Variants in PECAM1 observed in about 807,000 individuals in gnomAD.
PECAM1 encodes the protein platelet and endothelial cell adhesion molecule 1.
Under a neutral mutation model 13.8 loss-of-function variants are expected in PECAM1, and 8 were observed. The ratio of observed to expected loss-of-function variants is 0.58; its 90% confidence interval spans 0.34 to 1.05. The LOEUF is 1.05. Among genes scored for constraint, PECAM1 ranks in the 50% least tolerant of loss-of-function variants. PECAM1 has a pLI of 0.03. For missense variants in PECAM1, 304 were observed against 141.2 expected (o/e 2.15, Z -5.84); for synonymous variants, 136 against 52.6 (o/e 2.58, Z -6.86).
intron 12 of PECAM1, among the ~76,000 whole-genome samples, 170 bp downstream of exon 12, chr17:64,350,210 T>C (rs2035683418): frequency 6.6e-6 from 1 of 152,160 alleles, no homozygotes; most frequent in South Asian, 2.1e-4. Context: ...CTAGATAGCA[T>C]CTCTGGTGAA....
intron 13 of PECAM1, among the ~76,000 whole-genome samples, chr17:64,342,065 G>T (rs1390035817): frequency 1.3e-5 from 2 of 151,594 alleles, no homozygotes; most frequent in Non-Finnish European, 2.9e-5. Context: ...GACGAGAATC[G>T]CTTGAACCCA....
intron 14 of PECAM1, among the ~76,000 whole-genome samples, chr17:64,335,174 C>T (rs1461529845): frequency 6.6e-6 from 1 of 152,126 alleles, no homozygotes; most frequent in East Asian, 1.9e-4. Flanking sequence ...GACCTGCCTC[C>T]AGCCCATACC....
At chr17:64,337,731 C>T (rs964112886) in intron 14 of PECAM1, among the ~76,000 whole-genome samples, 60 of 152,190 alleles carry the variant, frequency 3.9e-4, no homozygotes, top group South Asian at 2.5e-3. Context: ...CTAGAACCAA[C>T]CTGGAGACCC....
chr17:64,379,007 T>C (rs2143883293), intron 2 of PECAM1: 2 of 152,386 alleles, frequency 1.3e-5, no homozygotes, highest in East Asian at 3.9e-4. Context: ...ATTTTCTATC[T>C]GATGGGCTCT....
At position 64,361,144 on chromosome 17, in the gene PECAM1, T is replaced by TGTGTGTGTGC. The variant is rs2035967368; in HGVS notation, c.1217-730_1217-729insGCACACACAC. Among the ~76,000 whole-genome samples, 8 of 150,802 alleles carry TGTGTGTGTGC rather than the reference T, an allele frequency of 5.3e-5. No homozygotes were observed. In the Admixed American group the frequency reaches 5.3e-4, roughly 10 times the overall value. Reference sequence around the variant, plus strand: ...CTGAGCATATATGTGTGTGTGTGTGTGTGTGTGTGTGTGTGTTCTGAGACC... The same window carrying TGTGTGTGTGC: ...CTGAGCATATATGTGTGTGTGTGTGTGTGTGTGTGCGTGTGTGTGTGTGTGTTCTGAGACC... On this transcript the variant is annotated intron_variant, in intron 6 of 15. Coordinates refer to ENST00000563924, the MANE Select transcript of PECAM1 (RefSeq NM_000442.5).
chr17:64,323,200 G>A lies in PECAM1; in HGVS notation c.*616C>T, dbSNP rs782678225. On this transcript the variant is annotated 3_prime_UTR_variant, in exon 16 of 16. Coordinates refer to ENST00000563924, the MANE Select transcript of PECAM1 (RefSeq NM_000442.5). The stretch of plus-strand genomic sequence containing the variant: ...TCCACCTTCATTTTCTGTTTTGTGC[G>A]TTGCCTGAATGAACGGTGTCTTCAG... 98 of 987,648 alleles carry A rather than the reference G, an allele frequency of 9.9e-5. No homozygotes were observed. Among genetic ancestry groups the A allele is most frequent in the Non-Finnish European group, 1.1e-4 (94 of 831,434 alleles). The allele number at this position is 987,648 out of a possible 1,614,324, so 61.2% of individuals were successfully genotyped here. A position where few individuals can be genotyped will look rare whatever the true frequency, so the allele number is the denominator to read the frequency against.
chr17:64,378,171 A>T (rs2036403825), intron 2 of PECAM1, 54 bp from the exon 3 acceptor site: 1 of 444,914 alleles, frequency 2.2e-6, no homozygotes, highest in Non-Finnish European at 4.1e-6. Flanking sequence ...AAACAACATC[A>T]TCCCGGTGAC....
At chr17:64,327,108 C>G (rs1244091031) in intron 15 of PECAM1, among the ~76,000 whole-genome samples, 8 of 152,334 alleles carry the variant, frequency 5.3e-5, no homozygotes, top group Non-Finnish European at 1.0e-4. Context: ...ATGTGGGTCT[C>G]TGATTCCTAA....
intron 13 of PECAM1, among the ~76,000 whole-genome samples, chr17:64,345,109 C>T (rs2035530583): frequency 6.6e-6 from 1 of 152,204 alleles, no homozygotes; most frequent in Admixed American, 6.5e-5. Flanking sequence ...GCCTCTGCCT[C>T]CCAAAGTGCT....
rs560756059 is a variant in PECAM1, at chr17:64,328,837, CA to C, written c.2187+862del. 7.8e-3 allele frequency among the ~76,000 whole-genome samples: 1,195 copies of C among 152,306 alleles called. 7 individuals are homozygous for C. The highest frequency in any genetic ancestry group is 0.012 in the Non-Finnish European group (783 of 68,032). ...AACTCCTGCATTGCTGGGTAGCTCA[CA>C]AAAAGGTTGGGATTGGAAGACACGT... is the stretch of plus-strand genomic sequence containing the variant. On this transcript the variant is annotated intron_variant, in intron 15 of 15. Transcript: ENST00000563924.
intron 2 of PECAM1, among the ~76,000 whole-genome samples, chr17:64,388,475 A>T (rs2036647885): frequency 6.6e-6 from 1 of 152,158 alleles, no homozygotes; most frequent in Admixed American, 6.6e-5. Flanking sequence ...CACCCACTTC[A>T]TGCCCACGAA....
chr17:64,346,440 G>A (rs1270676455), intron 13 of PECAM1, among the ~76,000 whole-genome samples: 3 of 152,210 alleles, frequency 2.0e-5, no homozygotes, highest in Non-Finnish European at 4.4e-5. Flanking sequence ...GGGTTCAAGC[G>A]ATTCTTCTGC....
At chr17:64,360,472 G>T (rs2035947200) in intron 6 of PECAM1, 57 bp from the exon 7 acceptor site, 1 of 463,006 alleles carries the variant, frequency 2.2e-6, no homozygotes, top group Non-Finnish European at 3.9e-6. Context: ...AAAGCATCCA[G>T]CACAAGAGGT....
At chr17:64,372,588 C>T (rs1598044978) in intron 4 of PECAM1, among the ~76,000 whole-genome samples, 1 of 152,094 alleles carries the variant, frequency 6.6e-6, no homozygotes, top group South Asian at 2.1e-4. Context: ...CTGCAACCTC[C>T]ACCTTCCAGG....
intron 13 of PECAM1, among the ~76,000 whole-genome samples, chr17:64,347,404 G>C (rs1166130967): frequency 2.0e-5 from 3 of 150,606 alleles, no homozygotes; most frequent in Non-Finnish European, 4.4e-5. Flanking sequence ...GGCGGTGCAT[G>C]CCTGTAATCC....
At chr17:64,354,910 T>C (rs2035814208) in intron 9 of PECAM1, 23 bp downstream of exon 9, 2 of 475,308 alleles carry the variant, frequency 4.2e-6, no homozygotes, top group South Asian at 6.7e-5. Flanking sequence ...CCAGTCAGTA[T>C]GGAAGGAAAG....
intron 14 of PECAM1, among the ~76,000 whole-genome samples, chr17:64,336,563 C>A (rs965959430): frequency 6.6e-6 from 1 of 152,126 alleles, no homozygotes; most frequent in Non-Finnish European, 1.5e-5. Flanking sequence ...AAATGGGATG[C>A]CTGCTCTTTA....
intron 3 of PECAM1, among the ~76,000 whole-genome samples, chr17:64,376,165 C>A (rs1444608052): frequency 6.6e-6 from 1 of 151,758 alleles, no homozygotes; most frequent in Non-Finnish European, 1.5e-5. Context: ...ATTAGCCGGG[C>A]ATGGTGGCAG....
intron 3 of PECAM1, among the ~76,000 whole-genome samples, chr17:64,377,364 C>T (rs2036382909): frequency 1.3e-5 from 2 of 152,080 alleles, no homozygotes; most frequent in Admixed American, 6.6e-5. Flanking sequence ...GATGAAGAAG[C>T]ATTTTGGGAG....
Sources: allele counts gnomAD v4.1 joint callset (sites outside exome capture counted in the v4.1 genomes callset), GRCh38; gene constraint gnomAD v4.1.1; transcripts MANE v1.5; gene names NCBI Gene and HGNC (gene_info 2026-07-23, HGNC 2026-07-21).